MICAL3: variants seen among roughly 807,000 people sequenced by gnomAD.
The protein encoded by MICAL3 is microtubule associated monooxygenase, calponin and LIM domain containing 3.
In MICAL3, 62 loss-of-function variants were observed where a neutral mutation model predicts 207.4. The observed-to-expected ratio is 0.30, with a 90% CI of 0.24 to 0.37. MICAL3 has a LOEUF of 0.37. MICAL3 is among the 10% of genes least tolerant of loss of function. MICAL3 has a pLI of 1.00. For missense variants in MICAL3, 2,368 were observed against 2,635.6 expected, an observed-to-expected ratio of 0.90 and a Z score of 2.22; for synonymous variants, 1,077 against 1,069.3, an observed-to-expected ratio of 1.01 and a Z score of -0.14.
intron 25 of MICAL3, among the ~76,000 whole-genome samples, chr22:17,820,939 TATGTTTATAAAC>T: frequency 7.1e-6 from 1 of 141,800 alleles, no homozygotes; most frequent in African/African-American, 2.7e-5. Flanking sequence ...TTAATAAATT[TATGTTTATAAAC>T]ATAAATTTTA....
intron 1 of MICAL3, among the ~76,000 whole-genome samples, chr22:17,992,948 C>A (rs548087936): frequency 6.6e-6 from 1 of 152,100 alleles, no homozygotes; most frequent in Admixed American, 6.6e-5. Context: ...CACGGTAAGG[C>A]GAAGCGATCA....
chr22:17,898,683 A>G (rs1931074359), intron 7 of MICAL3, among the ~76,000 whole-genome samples: 1 of 152,156 alleles, frequency 6.6e-6, no homozygotes, highest in Non-Finnish European at 1.5e-5. Flanking sequence ...AGTGATTCTC[A>G]CGTTGAGACC....
At chr22:18,023,655 G>T (rs568473847) in intron 1 of MICAL3, among the ~76,000 whole-genome samples, 2 of 152,220 alleles carry the variant, frequency 1.3e-5, no homozygotes, top group African/African-American at 4.8e-5. Flanking sequence ...GAACTTGGCC[G>T]TCCTTTTGTT....
rs60544257 is a variant in MICAL3, at chr22:18,007,922, CAAAAA to C, written c.-75+16354_-75+16358del. 2.1e-4 allele frequency among the ~76,000 whole-genome samples: 8 copies of C among 37,754 alleles called. No individual in the cohort carries two copies. In the East Asian group the frequency reaches 6.7e-3, roughly 32 times the overall value. 24.8% of individuals were successfully genotyped at this position (37,754 alleles called of 152,430 possible). A position where few individuals can be genotyped will look rare whatever the true frequency, so the allele number is the denominator to read the frequency against. Reference sequence around the variant, plus strand: ...TGGACGACAGAGCGAGACTCCATCTCAAAAAAAAAAAAAAAAAAAAAAAAAAATGC... The same window carrying C: ...TGGACGACAGAGCGAGACTCCATCTCAAAAAAAAAAAAAAAAAAAAAATGC... On this transcript the variant is annotated intron_variant, in intron 1 of 31. Coordinates refer to ENST00000441493, the MANE Select transcript of MICAL3 (RefSeq NM_015241.3).
rs969094655 is a variant in MICAL3, at chr22:17,862,150, G to A, written c.2605+2749C>T. 50 of 985,166 alleles carry A rather than the reference G, an allele frequency of 5.1e-5. No individual in the cohort carries two copies. The African/African-American group carries it at 7.9e-4, about 16-fold the overall frequency. The allele number at this position is 985,166 out of a possible 1,614,324, so 61.0% of individuals were successfully genotyped here. A position where few individuals can be genotyped will look rare whatever the true frequency, so the allele number is the denominator to read the frequency against. The stretch of plus-strand genomic sequence containing the variant: ...AAGAGAATCAAGTGCCGTCATCATC[G>A]CCTCTACTGGTCGAGTGCACAGTAG... On this transcript the variant is annotated intron_variant, in intron 19 of 31. Coordinates refer to ENST00000441493, the MANE Select transcript of MICAL3 (RefSeq NM_015241.3).
intron 1 of MICAL3, among the ~76,000 whole-genome samples, chr22:17,967,690 T>G (rs1935211901): frequency 6.6e-6 from 1 of 152,068 alleles, no homozygotes. Context: ...GGAAGATCAC[T>G]TGAGACCAGG....
At chr22:17,959,620 T>C (rs1334015855) in intron 1 of MICAL3, among the ~76,000 whole-genome samples, 1 of 152,170 alleles carries the variant, frequency 6.6e-6, no homozygotes, top group East Asian at 1.9e-4. Context: ...TCAGGGCCTG[T>C]TTTATATGGA....
Position 17,884,304 on chromosome 22 carries a change from G to C in MICAL3, c.2241+1574C>G, listed in dbSNP as rs748178599. The stretch of plus-strand genomic sequence containing the variant: ...TTCCACCGGGGGGTGGGGGCAGGGC[G>C]AACCTGCCCAGGCAGGCAGCAGGAC... On this transcript the variant is annotated intron_variant, in intron 16 of 31. Coordinates refer to ENST00000441493, the MANE Select transcript of MICAL3 (RefSeq NM_015241.3). 46 of 1,591,334 alleles carry C rather than the reference G, an allele frequency of 2.9e-5. No individual in the cohort carries two copies. In the South Asian group the frequency reaches 5.1e-4, roughly 18 times the overall value.
chr22:18,011,846 C>T (rs553753658), intron 1 of MICAL3, among the ~76,000 whole-genome samples: 15 of 150,898 alleles, frequency 9.9e-5, no homozygotes, highest in Admixed American at 2.0e-4. Flanking sequence ...GAGCCGAGAT[C>T]GCACCACTGC....
Position 17,887,171 on chromosome 22 carries a change from T to G in MICAL3, c.2066A>C (p.Glu689Ala). 3 of 1,613,156 alleles carry G rather than the reference T, an allele frequency of 1.9e-6. No homozygotes were observed. Among genetic ancestry groups the G allele is most frequent in the Non-Finnish European group, 2.5e-6 (3 of 1,179,312 alleles). Residue 689 changes from glutamate to alanine, a missense_variant and splice_region_variant, in exon 15 of 32, where the codon GAG becomes GCG. By Grantham distance (107) the Glu-to-Ala change is moderately radical. Coordinates refer to ENST00000441493, the MANE Select transcript of MICAL3 (RefSeq NM_015241.3). ...GKRRKTSQSE[E>A]EEAPRGHRGE... The stretch of plus-strand genomic sequence containing the variant: ...AGCAATTCCCCAAGTGAATCTCACC[T>G]CCTCTGATTGACTGGTCTTTCTCCT...
chr22:17,872,848 T>TA (rs1738272246), intron 16 of MICAL3: 1 of 1,591,958 alleles, frequency 6.3e-7, no homozygotes. Context: ...TACATCTTTA[T>TA]ATACTTCTAT....
chr22:17,875,521 C>G (rs376922108), intron 16 of MICAL3: 1 of 1,551,498 alleles, frequency 6.4e-7, no homozygotes, highest in Non-Finnish European at 8.7e-7. Flanking sequence ...TCCCACTGGT[C>G]GACAAAAAAT....
chr22:17,922,269 A>G (rs1702929226), intron 1 of MICAL3, among the ~76,000 whole-genome samples: 1 of 152,210 alleles, frequency 6.6e-6, no homozygotes, highest in South Asian at 2.1e-4. Context: ...TGCACGTAGT[A>G]CAGATGCGGG....
intron 23 of MICAL3, among the ~76,000 whole-genome samples, chr22:17,822,388 C>A (rs1194374746): frequency 6.6e-6 from 1 of 152,250 alleles, no homozygotes; most frequent in Non-Finnish European, 1.5e-5. Flanking sequence ...CGCGGGGCCG[C>A]ATCAAAGCCT....
chr22:17,928,941 C>T (rs1602236117), intron 1 of MICAL3, among the ~76,000 whole-genome samples: 1 of 151,750 alleles, frequency 6.6e-6, no homozygotes, highest in African/African-American at 2.4e-5. Context: ...ACTACAGGCG[C>T]CCGCCACCAC....
intron 1 of MICAL3, among the ~76,000 whole-genome samples, chr22:17,928,708 C>T (rs1036567453): frequency 1.3e-5 from 2 of 152,198 alleles, no homozygotes; most frequent in African/African-American, 4.8e-5. Context: ...CATACCGTGG[C>T]TTTATATATT....
intron 19 of MICAL3, among the ~76,000 whole-genome samples, chr22:17,859,508 G>A (rs941472152): frequency 6.6e-6 from 1 of 152,238 alleles, no homozygotes; most frequent in African/African-American, 2.4e-5. Flanking sequence ...GTGTGAGAAG[G>A]GAATAGTCTG....
chr22:18,008,226 C>T (rs924350081), intron 1 of MICAL3, among the ~76,000 whole-genome samples: 3 of 151,934 alleles, frequency 2.0e-5, no homozygotes, highest in East Asian at 1.9e-4. Flanking sequence ...GTAAAAAGAG[C>T]GAAACTCCAC....
At chr22:17,904,230 AG>A (rs1365776500) in intron 3 of MICAL3, among the ~76,000 whole-genome samples, 1 of 152,230 alleles carries the variant, frequency 6.6e-6, no homozygotes, top group East Asian at 1.9e-4. Flanking sequence ...ATCAGCTCAC[AG>A]CACAGACAGC....
Sources: allele counts gnomAD v4.1 joint callset (sites outside exome capture counted in the v4.1 genomes callset), GRCh38; gene constraint gnomAD v4.1.1; transcripts MANE v1.5; gene names NCBI Gene and HGNC (gene_info 2026-07-23, HGNC 2026-07-21).